SEPTIN4: variants seen among roughly 807,000 people sequenced by gnomAD.
SEPTIN4 encodes septin-4.
In SEPTIN4, 52 loss-of-function variants were observed where a neutral mutation model predicts 107.1. The observed-to-expected ratio is 0.49, with a 90% confidence interval of 0.39 to 0.61. The LOEUF is 0.61. SEPTIN4 is among the 20% of genes least tolerant of loss of function. The pLI is 0.00. For synonymous variants in SEPTIN4, 417 were observed against 467.0 expected, an observed-to-expected ratio of 0.89 and a Z score of 1.38; for missense variants, 1,048 against 1,243.5, an observed-to-expected ratio of 0.84 and a Z score of 2.36.
chr17:58,525,285 G>A, intron 6 of SEPTIN4, 84 bp from the exon 7 acceptor site: 1 of 1,542,038 alleles, frequency 6.5e-7, no homozygotes, highest in East Asian at 2.2e-5. Flanking sequence ...CAGCCTTGTT[G>A]CTCAGACTGC....
rs1287458703 is a variant in SEPTIN4, at chr17:58,521,867, A to G, written c.2352-14T>C. 6.2e-7 allele frequency: 1 copy of G among 1,614,156 alleles called. No homozygotes were observed. Among genetic ancestry groups the G allele is most frequent in the East Asian group, 2.2e-5 (1 of 44,882 alleles). ...AATGGCCGGAGCCTGGGGAACAGGA[A>G]CCTGTGACCACCTGCTAGTGGCAGC... On this transcript the variant is annotated splice_polypyrimidine_tract_variant and intron_variant, in intron 8 of 13. Transcript: ENST00000672673. The surrounding 1 kb of genome is among the most constrained non-coding windows in gnomAD (Gnocchi z 6.4).
rs766841823 is a variant in SEPTIN4, at chr17:58,542,600, C to T, written c.1561+26G>A. ...CCCATCTCACTAAATTGGGGCTGCA[C>T]CTGGGCAGTCTGCTTCTTCACATAC... On this transcript the variant is annotated intron_variant, in intron 1 of 13. Coordinates refer to ENST00000672673, the MANE Select transcript of SEPTIN4 (RefSeq NM_001368771.2). 9 of 1,584,896 alleles carry T rather than the reference C, an allele frequency of 5.7e-6. No individual in the cohort carries two copies. The Admixed American group carries it at 1.0e-4, about 18-fold the overall frequency.
In SEPTIN4 at chr17:58,526,573, A is replaced by AACACACACACACACAAAC; in HGVS notation, c.1911+108_1911+109insGTTTGTGTGTGTGTGTGT. Reference sequence around the variant, plus strand: ...TAGGTCCCAGATACACACACACACAAACACACACACACACACACACACACA... The same window carrying AACACACACACACACAAAC: ...TAGGTCCCAGATACACACACACACAAACACACACACACACAAACACACACACACACACACACACACACA... On this transcript the variant is annotated intron_variant, in intron 4 of 13. Coordinates refer to ENST00000672673, the MANE Select transcript of SEPTIN4 (RefSeq NM_001368771.2). 3.8e-6 allele frequency: 5 copies of AACACACACACACACAAAC among 1,302,208 alleles called. No homozygotes were observed. The East Asian group carries it at 1.5e-4, about 39-fold the overall frequency. The allele number at this position is 1,302,208 out of a possible 1,614,324, so 80.7% of individuals were successfully genotyped here. A position where few individuals can be genotyped will look rare whatever the true frequency, so the allele number is the denominator to read the frequency against.
At position 58,543,613 on chromosome 17, in the gene SEPTIN4, T is replaced by C. The variant is rs770885906; in HGVS notation, c.574A>G (p.Arg192Gly). 6.2e-7 allele frequency: 1 copy of C among 1,614,234 alleles called. No individual in the cohort carries two copies. Among genetic ancestry groups the C allele is most frequent in the South Asian group, 1.1e-5 (1 of 91,086 alleles). Residue 192 changes from arginine to glycine, a missense_variant, in exon 1 of 14, where the codon AGG becomes GGG. By Grantham distance (125) the Arg-to-Gly change is moderately radical. Around this residue, in one of 2 missense-constraint regions of SEPTIN4, gnomAD observed 787 missense variants for 871.8 expected, o/e 0.90. Coordinates refer to ENST00000672673, the MANE Select transcript of SEPTIN4 (RefSeq NM_001368771.2). ...TCATCCTTTGGGTAAGACAAAATCC[T>C]ACGGGGAACTCTGACTCCTTGGGGG... ...QNPQGVRVPRRILSYPKDEAV... is the reference protein window; with the variant it reads ...QNPQGVRVPRGILSYPKDEAV...
rs1234321140 is a variant in SEPTIN4, at chr17:58,527,592, G to A, written c.1615-614C>T. On this transcript the variant is annotated intron_variant, in intron 3 of 13. Transcript: ENST00000672673. ...CCCAGGGTTCACTGCCCAGCGCTCA[G>A]TATAGTTGATCCTACCCCTTACTCC... is the stretch of plus-strand genomic sequence containing the variant. The A allele has an allele frequency of 2.7e-5, 5 of 182,554 alleles. No homozygotes were observed. In the East Asian group the frequency reaches 4.8e-4, roughly 17 times the overall value. 11.3% of individuals were successfully genotyped at this position (182,554 alleles called of 1,614,324 possible).
intron 6 of SEPTIN4, 22 bp downstream of exon 6, chr17:58,525,673 G>T (rs577205516): frequency 3.1e-6 from 5 of 1,604,396 alleles, no homozygotes; most frequent in Admixed American, 1.7e-5. Flanking sequence ...AAGTCTGCCT[G>T]ATTGTCCTCT....
chr17:58,522,414 C>G (rs2042362130), intron 7 of SEPTIN4, among the ~76,000 whole-genome samples: 1 of 152,096 alleles, frequency 6.6e-6, no homozygotes, highest in Non-Finnish European at 1.5e-5. Context: ...AATCCCAACA[C>G]TTTGGGAGGC....
intron 1 of SEPTIN4, 107 bp downstream of exon 1, chr17:58,542,519 G>C (rs957940076): frequency 3.5e-6 from 5 of 1,430,824 alleles, no homozygotes; most frequent in African/African-American, 1.4e-5. Flanking sequence ...GCACTGGCAG[G>C]AGAGCAGCCC....
At chr17:58,529,045 G>C in intron 3 of SEPTIN4, 1 of 1,579,400 alleles carries the variant, frequency 6.3e-7, no homozygotes, top group Non-Finnish European at 8.7e-7. Context: ...TTCTGACTTT[G>C]AGCCCCAATC....
At chr17:58,526,159 A>C in intron 5 of SEPTIN4, 61 bp downstream of exon 5, 1 of 1,506,178 alleles carries the variant, frequency 6.6e-7, no homozygotes, top group Non-Finnish European at 8.9e-7. Context: ...CCACTCACGG[A>C]CACACACACC....
At chr17:58,539,254 C>A (rs1185098061) in intron 3 of SEPTIN4, 7 of 1,313,536 alleles carry the variant, frequency 5.3e-6, no homozygotes, top group African/African-American at 3.0e-5. Flanking sequence ...GAAGGAGCCA[C>A]CCTGTTGCCA....
At chr17:58,532,027 C>T (rs2043517803) in intron 3 of SEPTIN4, 1 of 1,129,768 alleles carries the variant, frequency 8.9e-7, no homozygotes, top group Non-Finnish European at 1.1e-6. Flanking sequence ...GGCGGAGCTG[C>T]GCGCCGACCT....
intron 1 of SEPTIN4, 43 bp from the exon 2 acceptor site, chr17:58,542,009 GA>G (rs1194131003): frequency 6.3e-7 from 1 of 1,598,378 alleles, no homozygotes; most frequent in South Asian, 1.1e-5. Flanking sequence ...CTCTCTGTGG[GA>G]TGCACATCCC....
Position 58,524,903 on chromosome 17 carries a change from C to A in SEPTIN4, c.2216+175G>T, listed in dbSNP as rs143885584. Reference sequence around the variant, plus strand: ...AACATTAAAAATCATCTATTCCAATCCTTTCCCTCTTACTTTATAAAGGAG... The same window carrying A: ...AACATTAAAAATCATCTATTCCAATACTTTCCCTCTTACTTTATAAAGGAG... On this transcript the variant is annotated intron_variant, in intron 7 of 13. Coordinates refer to ENST00000672673, the MANE Select transcript of SEPTIN4 (RefSeq NM_001368771.2). 3.7e-4 allele frequency: 280 copies of A among 752,528 alleles called. 1 individual carries two copies. Among genetic ancestry groups the A allele is most frequent in the African/African-American group, 3.0e-3 (173 of 57,194 alleles). The allele number at this position is 752,528 out of a possible 1,614,324, so 46.6% of individuals were successfully genotyped here. A position where few individuals can be genotyped will look rare whatever the true frequency, so the allele number is the denominator to read the frequency against.
Position 58,542,858 on chromosome 17 carries a change from T to G in SEPTIN4, c.1329A>C (p.Thr443=), listed in dbSNP as rs1392499120. ...AGCACTTAGGCTCAAAATCCGGTGTTGTCAGCTGGCTTTGGGGTGTTTCAA... is the reference window on the plus strand; with the variant it reads ...AGCACTTAGGCTCAAAATCCGGTGTGGTCAGCTGGCTTTGGGGTGTTTCAA... ...PEVETPQSQL[T]TPDFEPKCSP... Residue 443 remains threonine (T), a synonymous_variant, in exon 1 of 14, where the codon ACA becomes ACC. Coordinates refer to ENST00000672673, the MANE Select transcript of SEPTIN4 (RefSeq NM_001368771.2). 2.5e-6 allele frequency: 4 copies of G among 1,614,152 alleles called. No individual in the cohort carries two copies. Among genetic ancestry groups the G allele is most frequent in the Non-Finnish European group, 2.5e-6 (3 of 1,180,028 alleles).
At chr17:58,525,388 G>A in intron 6 of SEPTIN4, 187 bp from the exon 7 acceptor site, 1 of 713,194 alleles carries the variant, frequency 1.4e-6, no homozygotes, top group Non-Finnish European at 2.3e-6. Context: ...CACAGGAAAT[G>A]CCGGTGGCTG....
chr17:58,527,570 A>C, intron 3 of SEPTIN4: 1 of 211,182 alleles, frequency 4.7e-6, no homozygotes, highest in Non-Finnish European at 9.6e-6. Context: ...CTCAATTCCC[A>C]GGGTTCACTG....
At chr17:58,541,850 G>C (rs1254537815) in intron 2 of SEPTIN4, 72 bp downstream of exon 2, 1 of 1,614,116 alleles carries the variant, frequency 6.2e-7, no homozygotes, top group Admixed American at 1.7e-5. Flanking sequence ...TAGATACATA[G>C]ATGCCACTCC....
At chr17:58,535,654 C>T (rs1179221260) in intron 3 of SEPTIN4, among the ~76,000 whole-genome samples, 2 of 152,190 alleles carry the variant, frequency 1.3e-5, no homozygotes, top group African/African-American at 4.8e-5. Context: ...TTGGACTTTG[C>T]TTTGTCCTTT....
Sources: allele counts gnomAD v4.1 joint callset (sites outside exome capture counted in the v4.1 genomes callset), GRCh38; gene constraint gnomAD v4.1.1; regional missense constraint gnomAD v4.1.1; non-coding constraint Gnocchi (gnomAD v3.1); transcripts MANE v1.5; gene names NCBI Gene and HGNC (gene_info 2026-07-23, HGNC 2026-07-21).